TMEM26: variants seen among roughly 807,000 people sequenced by gnomAD.
TMEM26 encodes the protein transmembrane protein 26.
In TMEM26, 38 loss-of-function variants were observed where a neutral mutation model predicts 28.8. That is an observed-to-expected ratio of 1.32 (90% confidence interval 1.02 to 1.73). The LOEUF (loss-of-function observed/expected upper bound fraction) is 1.73. Ranked by LOEUF, TMEM26 falls within the 40% of genes most tolerant of loss-of-function variation. The pLI, the probability that TMEM26 is intolerant of heterozygous loss-of-function variation, is 0.00. For synonymous variants in TMEM26, 227 were observed against 182.9 expected, an observed-to-expected ratio of 1.24 and a Z score of -1.95; for missense variants, 518 against 447.1, an observed-to-expected ratio of 1.16 and a Z score of -1.43.
intron 1 of TMEM26, among the ~76,000 whole-genome samples, chr10:61,440,381 A>G (rs982485438): frequency 6.6e-6 from 1 of 152,182 alleles, no homozygotes; most frequent in African/African-American, 2.4e-5. Flanking sequence ...TCACACTGCC[A>G]TGGTTTGCAT....
rs1339520760 is a variant in TMEM26, at chr10:61,431,244, C to T, written c.359G>A (p.Ser120Asn). The change falls in exon 3 of 6, where the codon AGT becomes AAT. Residue 120 changes from serine to asparagine, a missense_variant. Coordinates refer to ENST00000399298, the MANE Select transcript of TMEM26 (RefSeq NM_178505.8). Reference sequence around the variant, plus strand: ...CGTCTCAATGAGATCATCAGCTCTACTGGTTTGTTCATTGGATGTCAATGT... The same window carrying T: ...CGTCTCAATGAGATCATCAGCTCTATTGGTTTGTTCATTGGATGTCAATGT... ...NQTLTSNEQT[S>N]RADDLIETAK... 3.1e-6 allele frequency: 5 copies of T among 1,612,854 alleles called. No individual in the cohort carries two copies. The East Asian group carries it at 1.1e-4, about 36-fold the overall frequency.
intron 4 of TMEM26, among the ~76,000 whole-genome samples, chr10:61,424,121 T>C (rs1839793073): frequency 6.6e-6 from 1 of 152,118 alleles, no homozygotes. Flanking sequence ...AAAGGCATAC[T>C]GATTAGAAAT....
At chr10:61,423,001 A>G (rs928616480) in intron 4 of TMEM26, among the ~76,000 whole-genome samples, 1 of 152,146 alleles carries the variant, frequency 6.6e-6, no homozygotes, top group Admixed American at 6.6e-5. Context: ...GCTAAACTCA[A>G]GAATGAAAAA....
rs1204926595 is a variant in TMEM26, at chr10:61,410,465, G to A, written c.964C>T (p.Leu322=). The A allele has an allele frequency of 6.2e-7, 1 of 1,614,094 alleles. No homozygotes were observed. The highest frequency in any genetic ancestry group is 1.1e-5 in the South Asian group (1 of 91,084). ...RASLRSQSEG[L]KGEHGCRAQT... is the part of the protein sequence containing the mutation. Reference sequence around the variant, plus strand: ...GCCCGGCAACCATGTTCTCCTTTCAGGCCTTCTGACTGACTTCTCAACGAA... The same window carrying A: ...GCCCGGCAACCATGTTCTCCTTTCAAGCCTTCTGACTGACTTCTCAACGAA... Residue 322 remains leucine (L), a synonymous_variant, in exon 6 of 6, where the codon CTG becomes TTG. Coordinates refer to ENST00000399298, the MANE Select transcript of TMEM26 (RefSeq NM_178505.8).
intron 1 of TMEM26, among the ~76,000 whole-genome samples, chr10:61,440,938 C>T (rs1290969542): frequency 6.6e-6 from 1 of 152,162 alleles, no homozygotes; most frequent in Non-Finnish European, 1.5e-5. Context: ...TGCATATAAC[C>T]TATGCATATC....
intron 1 of TMEM26, among the ~76,000 whole-genome samples, chr10:61,442,274 C>A (rs1290718793): frequency 1.3e-5 from 2 of 152,096 alleles, no homozygotes; most frequent in African/African-American, 4.8e-5. Flanking sequence ...TACTTTGACT[C>A]ACCATTAGTC....
chr10:61,436,195 A>T lies in TMEM26; in HGVS notation c.245T>A (p.Leu82His), dbSNP rs1392830697. 3.1e-6 allele frequency: 5 copies of T among 1,609,916 alleles called. No individual in the cohort carries two copies. The Admixed American group carries it at 8.4e-5, about 27-fold the overall frequency. Residue 82 changes from leucine (L) to histidine (H), a missense_variant, in exon 2 of 6, where the codon CTT (leucine) becomes CAT (histidine). By Grantham distance (99) the Leu-to-His change is moderately conservative (BLOSUM62 -3). Transcript: ENST00000399298. The part of the protein sequence containing the change: ...YLISIVPSLW[L>H]LELHHETQYC... ...CTGGGTCTCATGGTGCAATTCAAGA[A>T]GCCATAATGATGGAACGATGCTAAT...
intron 1 of TMEM26, among the ~76,000 whole-genome samples, chr10:61,448,611 G>GT (rs1365908526): frequency 7.4e-6 from 1 of 135,196 alleles, no homozygotes; most frequent in Non-Finnish European, 1.6e-5. Flanking sequence ...TTTGTTTTCT[G>GT]TTTTTTTGTT....
At chr10:61,412,854 T>A in intron 5 of TMEM26, 1 of 981,396 alleles carries the variant, frequency 1.0e-6, no homozygotes, top group Non-Finnish European at 1.4e-6. Context: ...TTATTGCTAG[T>A]ATAAAATGCC....
At chr10:61,430,549 G>A (rs1839904028) in intron 3 of TMEM26, among the ~76,000 whole-genome samples, 1 of 148,674 alleles carries the variant, frequency 6.7e-6, no homozygotes, top group South Asian at 2.1e-4. Flanking sequence ...AATTGTCTAG[G>A]TAGAAAATCC....
At chr10:61,441,840 C>T (rs996432143) in intron 1 of TMEM26, among the ~76,000 whole-genome samples, 13 of 152,082 alleles carry the variant, frequency 8.5e-5, no homozygotes, top group Admixed American at 8.5e-4. Flanking sequence ...TTCTTCAATG[C>T]CAAATTACTT....
rs1839882998 is a variant in TMEM26, at chr10:61,429,230, G to T, written c.385-84C>A. 4 of 1,198,830 alleles carry T rather than the reference G, an allele frequency of 3.3e-6. No homozygotes were observed. In the Admixed American group the frequency reaches 5.6e-5, roughly 17 times the overall value. 74.3% of individuals were successfully genotyped at this position (1,198,830 alleles called of 1,614,324 possible). A position where few individuals can be genotyped will look rare whatever the true frequency, so the allele number is the denominator to read the frequency against. On this transcript the variant is annotated intron_variant, in intron 3 of 5. Coordinates refer to ENST00000399298, the MANE Select transcript of TMEM26 (RefSeq NM_178505.8). The stretch of plus-strand genomic sequence containing the variant: ...TTTTCCTCACTGTGCTTTCAATCAA[G>T]AGTTTGCTTTTGTAGAGAGTAATTT...
chr10:61,448,279 C>G (rs1840219408), intron 1 of TMEM26, among the ~76,000 whole-genome samples: 1 of 152,262 alleles, frequency 6.6e-6, no homozygotes, highest in Non-Finnish European at 1.5e-5. Context: ...ACCCAATATT[C>G]TGCAGCATAT....
intron 4 of TMEM26, among the ~76,000 whole-genome samples, chr10:61,423,576 C>CA (rs1487836125): frequency 6.6e-5 from 10 of 152,128 alleles, no homozygotes; most frequent in Non-Finnish European, 1.2e-4. Context: ...CCTATCTCTA[C>CA]AAAAAATAAA....
rs750323687 is a variant in TMEM26, at chr10:61,410,494, C to T, written c.935G>A (p.Arg312His). 1 of 1,614,130 alleles carries T rather than the reference C, an allele frequency of 6.2e-7. No individual in the cohort carries two copies. The highest frequency in any genetic ancestry group is 1.1e-5 in the South Asian group (1 of 91,072). ...TTCTGACTGACTTCTCAACGAAGCA[C>T]GGACTGCCAATGCCAGCACCACCAA... ...YRLVVLALAV[R>H]ASLRSQSEGL... Residue 312 changes from arginine to histidine, a missense_variant, in exon 6 of 6, where the codon CGT becomes CAT. Coordinates refer to ENST00000399298, the MANE Select transcript of TMEM26 (RefSeq NM_178505.8).
intron 1 of TMEM26, among the ~76,000 whole-genome samples, chr10:61,437,177 C>G (rs1375149672): frequency 6.6e-6 from 1 of 152,162 alleles, no homozygotes; most frequent in Non-Finnish European, 1.5e-5. Flanking sequence ...TCTTCTTCTT[C>G]TTATAAAGCC....
At chr10:61,412,093 C>T (rs141113160) in intron 5 of TMEM26, among the ~76,000 whole-genome samples, 1 of 152,238 alleles carries the variant, frequency 6.6e-6, no homozygotes, top group South Asian at 2.1e-4. Flanking sequence ...TCAATGGTAG[C>T]CTTTCCTAAG....
In TMEM26 at chr10:61,452,910, G is replaced by C; in HGVS notation, c.172C>G (p.Arg58Gly). Residue 58 changes from arginine to glycine, a missense_variant, in exon 1 of 6, where the codon CGC (arginine) becomes GGC (glycine). Transcript: ENST00000399298. ...TCTCACCATTTGTAGCCTCTGCCGC[G>C]CTTGAACTTGAGGGTGAGCGCAGTC... is the stretch of plus-strand genomic sequence containing the variant. The part of the protein sequence containing the change: ...LETALTLKFK[R>G]GRGYKWFSPA... 1 of 1,613,498 alleles carries C rather than the reference G, an allele frequency of 6.2e-7. No individual in the cohort carries two copies. Among genetic ancestry groups the C allele is most frequent in the Non-Finnish European group, 8.5e-7 (1 of 1,179,514 alleles).
chr10:61,411,149 A>T (rs1034166260), intron 5 of TMEM26, among the ~76,000 whole-genome samples: 1 of 152,168 alleles, frequency 6.6e-6, no homozygotes, highest in African/African-American at 2.4e-5. Context: ...TCACAGTTGC[A>T]TGCTCAAGGC....
Sources: gnomAD v4.1 joint callset for allele counts (sites outside exome capture counted in the v4.1 genomes callset) on GRCh38, gnomAD v4.1.1 for gene constraint, MANE v1.5 for transcripts, NCBI Gene and HGNC (gene_info 2026-07-23, HGNC 2026-07-21) for gene names.